The following CUEDC2 variants were observed in gnomAD, a reference collection of about 807,000 sequenced individuals.
The protein encoded by CUEDC2 is CUE domain-containing protein 2.
A neutral mutation model predicts 36.0 loss-of-function variants in CUEDC2; 10 were observed. The observed-to-expected ratio is 0.28, with a 90% CI of 0.17 to 0.47. The LOEUF is 0.47. CUEDC2 is among the 20% of genes least tolerant of loss of function. CUEDC2 has a pLI of 0.99. For missense variants in CUEDC2, 269 were observed against 368.1 expected (o/e 0.73, Z 2.20); for synonymous variants, 133 against 141.8 (o/e 0.94, Z 0.44).
chr10:102,424,373 G>T lies in CUEDC2; in HGVS notation c.302C>A (p.Ser101Tyr). ...GATGGGCACCTGACCTTGGACACCA[G>T]AGCTCTGCGGTTGCAGGTTCTCTTA... ...RNKENLQPQS[S>Y]GVQGQVPISP... Residue 101 changes from serine to tyrosine, a missense_variant, in exon 5 of 9, where the codon TCT (serine) becomes TAT (tyrosine). Ser to Tyr is a moderately radical substitution (Grantham distance 144, BLOSUM62 -2). Coordinates refer to ENST00000369937, the MANE Select transcript of CUEDC2 (RefSeq NM_024040.3). This position sits in a 1 kb window ranked among gnomAD's most constrained non-coding sequence, Gnocchi z 4.2. 3.1e-6 allele frequency: 5 copies of T among 1,614,088 alleles called. No homozygotes were observed. The highest frequency in any genetic ancestry group is 4.2e-6 in the Non-Finnish European group (5 of 1,179,984).
At chr10:102,429,700 C>T (rs913999961) in intron 1 of CUEDC2, among the ~76,000 whole-genome samples, 5 of 149,108 alleles carry the variant, frequency 3.4e-5, no homozygotes, top group Admixed American at 6.8e-5. Flanking sequence ...AGGGTAGAAC[C>T]GCCTCCAGGG....
chr10:102,427,946 GTTTT>G (rs771991814), intron 1 of CUEDC2, among the ~76,000 whole-genome samples: 3 of 150,974 alleles, frequency 2.0e-5, no homozygotes, highest in Non-Finnish European at 4.4e-5. Flanking sequence ...TTGTTTGTTT[GTTTT>G]GTTTTGTTTT....
Position 102,432,572 on chromosome 10 carries a change from C to T in CUEDC2, c.-57G>A, listed in dbSNP as rs2061620609. The T allele has an allele frequency of 1.3e-5, 2 of 152,424 alleles. No individual in the cohort carries two copies. The highest frequency in any genetic ancestry group is 4.1e-4 in the South Asian group (2 of 4,838). The allele number at this position is 152,424 out of a possible 1,614,324, so 9.4% of individuals were successfully genotyped here. A position where few individuals can be genotyped will look rare whatever the true frequency, so the allele number is the denominator to read the frequency against. ...GCGACTTGTCCCGCGCGGTGCAGCT[C>T]TCATCCCCCAGCCCCACCAACGAGA... is the stretch of plus-strand genomic sequence containing the variant. On this transcript the variant is annotated 5_prime_UTR_variant, in exon 1 of 9. Coordinates refer to ENST00000369937, the MANE Select transcript of CUEDC2 (RefSeq NM_024040.3).
chr10:102,424,986 G>A lies in CUEDC2; in HGVS notation c.74+129C>T, dbSNP rs2061590668. 1.0e-6 allele frequency: 1 copy of A among 956,306 alleles called. No individual in the cohort carries two copies. Among genetic ancestry groups the A allele is most frequent in the Non-Finnish European group, 1.6e-6 (1 of 625,144 alleles). The allele number at this position is 956,306 out of a possible 1,614,324, so 59.2% of individuals were successfully genotyped here. A position where few individuals can be genotyped will look rare whatever the true frequency, so the allele number is the denominator to read the frequency against. Reference sequence around the variant, plus strand: ...CCAACAAAGGTGACAGGGACAGGATGAGAGGTAAGGCCTCTCAGCAAATCC... The same window carrying A: ...CCAACAAAGGTGACAGGGACAGGATAAGAGGTAAGGCCTCTCAGCAAATCC... On this transcript the variant is annotated intron_variant, in intron 2 of 8. Coordinates refer to ENST00000369937, the MANE Select transcript of CUEDC2 (RefSeq NM_024040.3). The surrounding 1 kb of genome is among the most constrained non-coding windows in gnomAD (Gnocchi z 4.2).
intron 1 of CUEDC2, among the ~76,000 whole-genome samples, chr10:102,430,151 ATTT>A (rs2061611764): frequency 8.4e-6 from 1 of 119,498 alleles, no homozygotes; most frequent in African/African-American, 3.2e-5. Flanking sequence ...TTTTAATTTT[ATTT>A]ATTTATTTAT....
chr10:102,424,970 G>GTTTCCCATC lies in CUEDC2; in HGVS notation c.74+144_74+145insGATGGGAAA, dbSNP rs2061590608. ...ATGGTTTCCCATCTGCCCAACAAAG[G>GTTTCCCATC]TGACAGGGACAGGATGAGAGGTAAG... On this transcript the variant is annotated intron_variant, in intron 2 of 8. Coordinates refer to ENST00000369937, the MANE Select transcript of CUEDC2 (RefSeq NM_024040.3). This position sits in a 1 kb window ranked among gnomAD's most constrained non-coding sequence, Gnocchi z 4.2. 10 of 940,246 alleles carry GTTTCCCATC rather than the reference G, an allele frequency of 1.1e-5. No individual in the cohort carries two copies. The highest frequency in any genetic ancestry group is 6.7e-5 in the Admixed American group (3 of 45,038). The allele number at this position is 940,246 out of a possible 1,614,324, so 58.2% of individuals were successfully genotyped here. A position where few individuals can be genotyped will look rare whatever the true frequency, so the allele number is the denominator to read the frequency against.
chr10:102,428,172 C>G (rs1300115145), intron 1 of CUEDC2, among the ~76,000 whole-genome samples: 1 of 152,132 alleles, frequency 6.6e-6, no homozygotes, highest in Non-Finnish European at 1.5e-5. Flanking sequence ...AACTCCTGAC[C>G]TCAGGTGATC....
At chr10:102,430,628 G>A (rs1224069178) in intron 1 of CUEDC2, among the ~76,000 whole-genome samples, 1 of 89,476 alleles carries the variant, frequency 1.1e-5, no homozygotes, top group Non-Finnish European at 2.2e-5. Context: ...TGTATTCCAA[G>A]GGAACATCCT....
chr10:102,427,710 CCAA>C (rs2061602584), intron 1 of CUEDC2, among the ~76,000 whole-genome samples: 1 of 152,110 alleles, frequency 6.6e-6, no homozygotes. Context: ...CATCTTCCCC[CCAA>C]CAACCTATTC....
Position 102,424,349 on chromosome 10 carries a change from A to G in CUEDC2, c.326T>C (p.Ile109Thr). ...GGGCCGCTGCAGGGGCTCTGGGGAG[A>G]TGGGCACCTGACCTTGGACACCAGA... ...QSSGVQGQVP[I>T]SPEPLQRPEM... is the part of the protein sequence containing the mutation. Residue 109 changes from isoleucine to threonine, a missense_variant, in exon 5 of 9, where the codon ATC becomes ACC. Physicochemically the swap from Ile to Thr is moderately conservative, Grantham distance 89. Transcript: ENST00000369937. The surrounding 1 kb of genome is among the most constrained non-coding windows in gnomAD (Gnocchi z 4.2). 1 of 1,613,946 alleles carries G rather than the reference A, an allele frequency of 6.2e-7. No individual in the cohort carries two copies. Among genetic ancestry groups the G allele is most frequent in the Non-Finnish European group, 8.5e-7 (1 of 1,179,978 alleles).
chr10:102,424,356 C>G lies in CUEDC2; in HGVS notation c.319G>C (p.Val107Leu), dbSNP rs925681686. 4 of 1,613,966 alleles carry G rather than the reference C, an allele frequency of 2.5e-6. No individual in the cohort carries two copies. In the African/African-American group the frequency reaches 5.3e-5, roughly 22 times the overall value. The change falls in exon 5 of 9, where the codon GTG becomes CTG. Residue 107 changes from valine (V) to leucine (L), a missense_variant. Physicochemically the swap from Val to Leu is conservative, Grantham distance 32. Coordinates refer to ENST00000369937, the MANE Select transcript of CUEDC2 (RefSeq NM_024040.3). This position sits in a 1 kb window ranked among gnomAD's most constrained non-coding sequence, Gnocchi z 4.2. ...QPQSSGVQGQVPISPEPLQRP... is the reference protein window; with the variant it reads ...QPQSSGVQGQLPISPEPLQRP... ...TGCAGGGGCTCTGGGGAGATGGGCA[C>G]CTGACCTTGGACACCAGAGCTCTGC...
chr10:102,426,350 G>A (rs191865721), intron 1 of CUEDC2, among the ~76,000 whole-genome samples: 1 of 152,236 alleles, frequency 6.6e-6, no homozygotes, highest in Non-Finnish European at 1.5e-5. Flanking sequence ...ATCCCACTCA[G>A]AAGGCTCCGA....
chr10:102,425,021 C>T, intron 2 of CUEDC2, 94 bp downstream of exon 2: 1 of 1,139,748 alleles, frequency 8.8e-7, no homozygotes, highest in Non-Finnish European at 1.3e-6. Flanking sequence ...CTAGTCAGCC[C>T]TCCTGCTGTC....
In CUEDC2 at chr10:102,423,653, T is replaced by C; in HGVS notation, c.717+4A>G. The C allele has an allele frequency of 1.9e-6, 3 of 1,614,152 alleles. No homozygotes were observed. The highest frequency in any genetic ancestry group is 2.5e-6 in the Non-Finnish European group (3 of 1,180,020). ...GCATCCCCAGCAACCCTTAACTCTC[T>C]CACCTCCTTGGGAGCCATGGGCCGG... On this transcript the variant is annotated splice_donor_region_variant and intron_variant, in intron 8 of 8. Coordinates refer to ENST00000369937, the MANE Select transcript of CUEDC2 (RefSeq NM_024040.3). This position sits in a 1 kb window ranked among gnomAD's most constrained non-coding sequence, Gnocchi z 5.6.
At chr10:102,428,335 A>G (rs910335938) in intron 1 of CUEDC2, among the ~76,000 whole-genome samples, 1 of 152,210 alleles carries the variant, frequency 6.6e-6, no homozygotes, top group African/African-American at 2.4e-5. Flanking sequence ...GAGTGGGACA[A>G]TGAGCTGCCA....
In CUEDC2 at chr10:102,423,284, G is replaced by A. The variant is rs2061582159; in HGVS notation, c.*142C>T. 4 of 1,092,414 alleles carry A rather than the reference G, an allele frequency of 3.7e-6. No homozygotes were observed. The highest frequency in any genetic ancestry group is 5.4e-6 in the Non-Finnish European group (4 of 746,836). 67.7% of individuals were successfully genotyped at this position (1,092,414 alleles called of 1,614,324 possible). A position where few individuals can be genotyped will look rare whatever the true frequency, so the allele number is the denominator to read the frequency against. On this transcript the variant is annotated 3_prime_UTR_variant, in exon 9 of 9. Transcript: ENST00000369937. The surrounding 1 kb of genome is among the most constrained non-coding windows in gnomAD (Gnocchi z 5.6). ...CACCTTTACTGTGCCCATGGAGGCAGCTCCGAGAGTAGGTTAACACTATGG... is the reference window on the plus strand; with the variant it reads ...CACCTTTACTGTGCCCATGGAGGCAACTCCGAGAGTAGGTTAACACTATGG...
rs748506038 is a variant in CUEDC2 at position 102,424,650 on chromosome 10, T to A, written c.217A>T (p.Arg73Trp). ...AYVPGFAHIP[R>W]GTIGDMMQKL... The stretch of plus-strand genomic sequence containing the variant: ...CTCCTGGCCCTAGCCAGAACCTACC[T>A]GGGGATGTGGGCGAAGCCAGGCACA... The change falls in exon 3 of 9, where the codon AGG becomes TGG. Residue 73 changes from arginine (R) to tryptophan (W), a missense_variant and splice_region_variant. Physicochemically the swap from Arg to Trp is moderately radical, Grantham distance 101. Transcript: ENST00000369937. The surrounding 1 kb of genome is among the most constrained non-coding windows in gnomAD (Gnocchi z 4.2). 1.7e-5 allele frequency: 27 copies of A among 1,614,022 alleles called. No homozygotes were observed. The South Asian group carries it at 3.0e-4, about 18-fold the overall frequency.
At chr10:102,426,513 C>A (rs1466055645) in intron 1 of CUEDC2, among the ~76,000 whole-genome samples, 2 of 152,204 alleles carry the variant, frequency 1.3e-5, no homozygotes, top group African/African-American at 4.8e-5. Flanking sequence ...CCCTCTTTCA[C>A]CCCTACCAGT....
intron 1 of CUEDC2, among the ~76,000 whole-genome samples, chr10:102,429,635 G>T (rs912010845): frequency 1.7e-4 from 25 of 145,912 alleles, no homozygotes; most frequent in Admixed American, 1.7e-3. Context: ...TGGGCCCTGA[G>T]GAAGAGCAGA....
Sources: gnomAD v4.1 joint callset for allele counts (sites outside exome capture counted in the v4.1 genomes callset) on GRCh38, gnomAD v4.1.1 for gene constraint, Gnocchi (gnomAD v3.1) non-coding constraint, MANE v1.5 for transcripts, NCBI Gene and HGNC (gene_info 2026-07-23, HGNC 2026-07-21) for gene names.